The following AMT variants were observed in gnomAD, a reference collection of about 807,000 sequenced individuals.
The protein encoded by AMT is aminomethyltransferase, mitochondrial.
Under a neutral mutation model 39.5 loss-of-function variants are expected in AMT, and 24 were observed. That is an observed-to-expected ratio of 0.61 (90% CI 0.44 to 0.86). AMT has a LOEUF of 0.86. Among genes scored for constraint, AMT ranks in the 40% least tolerant of loss-of-function variants. The pLI is 0.00. For missense variants in AMT, 501 were observed against 537.0 expected, an observed-to-expected ratio of 0.93 and a Z score of 0.66; for synonymous variants, 210 against 212.1, an observed-to-expected ratio of 0.99 and a Z score of 0.09.
intron 3 of AMT, 69 bp downstream of exon 3, chr3:49,421,423 G>C: frequency 7.9e-7 from 1 of 1,273,796 alleles, no homozygotes; most frequent in South Asian, 1.2e-5. Flanking sequence ...CTAAGCCTGA[G>C]GTAGGGACTC....
intron 4 of AMT, 108 bp from the exon 5 acceptor site, chr3:49,419,896 A>G (rs1423039881): frequency 5.5e-6 from 6 of 1,085,218 alleles, no homozygotes; most frequent in South Asian, 1.2e-5. Context: ...GAGGAGGAGG[A>G]GGGAGGAAAA....
In AMT at chr3:49,417,565, G is replaced by A. The variant is rs200180779; in HGVS notation, c.1187C>T (p.Pro396Leu). 16 of 1,614,058 alleles carry A rather than the reference G, an allele frequency of 9.9e-6. No individual in the cohort carries two copies. Among genetic ancestry groups the A allele is most frequent in the Admixed American group, 3.3e-5 (2 of 60,002 alleles). The change falls in exon 9 of 9, where the codon CCC (proline) becomes CTC (leucine). Residue 396 changes from proline to leucine, a missense_variant. Physicochemically the swap from Pro to Leu is moderately conservative, Grantham distance 98 (BLOSUM62 -3). Coordinates refer to ENST00000273588, the MANE Select transcript of AMT (RefSeq NM_000481.4). The part of the protein sequence containing the change: ...MAVVSKMPFV[P>L]TNYYTLK ...TCACTTGAGGGTATAGTAGTTTGTG[G>A]GCACAAAGGGCATCTTGCTGACTAC... is the stretch of plus-strand genomic sequence containing the variant.
Position 49,417,703 on chromosome 3 carries a change from C to A in AMT, c.1049G>T (p.Gly350Val). The A allele has an allele frequency of 1.2e-6, 2 of 1,613,978 alleles. No homozygotes were observed. The highest frequency in any genetic ancestry group is 1.7e-6 in the Non-Finnish European group (2 of 1,180,026). The change falls in exon 9 of 9, where the codon GGC (glycine) becomes GTC (valine). Residue 350 changes from glycine (G) to valine (V), a missense_variant. Coordinates refer to ENST00000273588, the MANE Select transcript of AMT (RefSeq NM_000481.4). ...CTTCTTCAGAGAGGGGGAGGGGCAG[C>A]CACTAGTCACAGTACCTGTCAAGCA... is the stretch of plus-strand genomic sequence containing the variant. ...EGTKIGTVTS[G>V]CPSPSLKKNV...
Position 49,417,359 on chromosome 3 carries a change from T to C in AMT, c.*181A>G. ...GGTCCGTCACTCAGAAGCAGGGTCCTGAAGGAAGCTGGAATGGCATGAGTT... is the reference window on the plus strand; with the variant it reads ...GGTCCGTCACTCAGAAGCAGGGTCCCGAAGGAAGCTGGAATGGCATGAGTT... On this transcript the variant is annotated 3_prime_UTR_variant, in exon 9 of 9. Transcript: ENST00000273588. The C allele has an allele frequency of 6.3e-7, 1 of 1,598,830 alleles. No individual in the cohort carries two copies. Among genetic ancestry groups the C allele is most frequent in the Middle Eastern group, 1.7e-4 (1 of 6,052 alleles).
rs149073687 is a variant in AMT, at chr3:49,417,265, C to A, written c.*275G>T. The A allele has an allele frequency of 1.3e-6, 2 of 1,596,838 alleles. No homozygotes were observed. Among genetic ancestry groups the A allele is most frequent in the South Asian group, 2.2e-5 (2 of 91,016 alleles). The stretch of plus-strand genomic sequence containing the variant: ...GGGAGAGATGGCAGAACCAAAGCTT[C>A]TCATTACCCTCCAGCAGGCAAGAGT... On this transcript the variant is annotated 3_prime_UTR_variant, in exon 9 of 9. Transcript: ENST00000273588.
rs770999859 is a variant in AMT at position 49,419,096 on chromosome 3, G to C, written c.752C>G (p.Pro251Arg). 7.4e-6 allele frequency: 12 copies of C among 1,613,840 alleles called. No homozygotes were observed. The Admixed American group carries it at 2.0e-4, about 27-fold the overall frequency. The change falls in exon 7 of 9, where the codon CCA becomes CGA. Residue 251 changes from proline to arginine, a missense_variant. Coordinates refer to ENST00000273588, the MANE Select transcript of AMT (RefSeq NM_000481.4). ...VHLATAILKN[P>R]EVKLAGLAAR... ...TGCCAGCCCTGCCAGCTTCACCTCTGGGTTTTTCAGAATAGCTGTTGCCAG... is the reference window on the plus strand; with the variant it reads ...TGCCAGCCCTGCCAGCTTCACCTCTCGGTTTTTCAGAATAGCTGTTGCCAG...
intron 5 of AMT, 134 bp downstream of exon 5, chr3:49,419,576 A>C (rs903069991): frequency 2.1e-6 from 3 of 1,435,028 alleles, no homozygotes; most frequent in East Asian, 2.3e-5. Context: ...GAGGAGGGCA[A>C]GATACAAAAC....
chr3:49,422,086 T>C lies in AMT; in HGVS notation c.258+18A>G, dbSNP rs756454513. 6.2e-7 allele frequency: 1 copy of C among 1,613,270 alleles called. No homozygotes were observed. Among genetic ancestry groups the C allele is most frequent in the South Asian group, 1.1e-5 (1 of 91,086 alleles). ...GAGGAAGGCCTGATCAGATGGCCAGTGTGCTCCCCTGGCTCACCTGCAGCA... is the reference window on the plus strand; with the variant it reads ...GAGGAAGGCCTGATCAGATGGCCAGCGTGCTCCCCTGGCTCACCTGCAGCA... On this transcript the variant is annotated intron_variant, in intron 2 of 8. Coordinates refer to ENST00000273588, the MANE Select transcript of AMT (RefSeq NM_000481.4).
At chr3:49,420,513 C>T (rs959179168) in intron 3 of AMT, 171 bp from the exon 4 acceptor site, 11 of 943,768 alleles carry the variant, frequency 1.2e-5, no homozygotes, top group African/African-American at 1.6e-5. Context: ...CTTTGATCCT[C>T]ATGCATCAAG....
chr3:49,418,140 C>G, intron 7 of AMT, 167 bp from the exon 8 acceptor site: 2 of 820,104 alleles, frequency 2.4e-6, no homozygotes, highest in Admixed American at 4.4e-5. Context: ...CAACCACCTC[C>G]TATCCCCTGG....
At chr3:49,418,542 CCTGG>C (rs1199464607) in intron 7 of AMT, 1 of 156,968 alleles carries the variant, frequency 6.4e-6, no homozygotes, top group Non-Finnish European at 1.3e-5. Flanking sequence ...GCTCTATCGC[CCTGG>C]CTGGAGGTGC....
chr3:49,418,198 T>C, intron 7 of AMT: 1 of 585,482 alleles, frequency 1.7e-6, no homozygotes, highest in Non-Finnish European at 3.0e-6. Flanking sequence ...TTTTTTTTTT[T>C]TTTGAGATGG....
Sources: gnomAD v4.1 joint callset for allele counts on GRCh38, gnomAD v4.1.1 for gene constraint, MANE v1.5 for transcripts, NCBI Gene and HGNC (gene_info 2026-07-23, HGNC 2026-07-21) for gene names.